Variants in MNAT1 observed in about 807,000 individuals in gnomAD.
MNAT1 encodes the protein CDK-activating kinase assembly factor MAT1.
In MNAT1, 43 loss-of-function variants were observed where a neutral mutation model predicts 42.0. That is an observed-to-expected ratio of 1.02 (90% CI 0.80 to 1.32). The LOEUF (loss-of-function observed/expected upper bound fraction) is 1.32, where lower values mean the gene tolerates loss of function less well. Ranked by LOEUF, MNAT1 falls within the 40% of genes most tolerant of loss-of-function variation. The pLI, the probability that MNAT1 is intolerant of heterozygous loss-of-function variation, is 0.00. For synonymous variants in MNAT1, 118 were observed against 120.0 expected (o/e 0.98, Z 0.11); for missense variants, 306 against 350.4 (o/e 0.87, Z 1.01).
chr14:60,862,923 AGT>A (rs1371331734), intron 6 of MNAT1, among the ~76,000 whole-genome samples: 2 of 152,088 alleles, frequency 1.3e-5, no homozygotes, highest in Admixed American at 6.6e-5. Context: ...GGTAGAACAA[AGT>A]GTGCAGGGAT....
chr14:60,818,378 G>C (rs763567763), intron 5 of MNAT1, among the ~76,000 whole-genome samples: 1 of 151,918 alleles, frequency 6.6e-6, no homozygotes, highest in Admixed American at 6.6e-5. Flanking sequence ...AAAAGAATGC[G>C]TCTTAGATAA....
At chr14:60,960,544 T>A (rs1022110238) in intron 7 of MNAT1, among the ~76,000 whole-genome samples, 11 of 152,216 alleles carry the variant, frequency 7.2e-5, no homozygotes, top group Admixed American at 3.9e-4. Flanking sequence ...CATGCATATG[T>A]CTCTACTATA....
intron 6 of MNAT1, among the ~76,000 whole-genome samples, chr14:60,836,756 G>A (rs1161122994): frequency 6.6e-6 from 1 of 152,216 alleles, no homozygotes; most frequent in Non-Finnish European, 1.5e-5. Context: ...CCTTAGTAGA[G>A]CTTGAGTGTT....
At chr14:60,778,051 G>T (rs1162614791) in intron 1 of MNAT1, among the ~76,000 whole-genome samples, 2 of 152,126 alleles carry the variant, frequency 1.3e-5, no homozygotes, top group Non-Finnish European at 1.5e-5. Context: ...TAGTGGGTTT[G>T]TTTTGATTCT....
rs1250121142 is a variant in MNAT1, at chr14:60,834,990, G to GCCCT, written c.687+16161_687+16164dup. On this transcript the variant is annotated intron_variant, in intron 6 of 7. Transcript: ENST00000261245. The stretch of plus-strand genomic sequence containing the variant: ...CTTCCTTCCTTCCTACCTTGCTCCC[G>GCCCT]CCCTCCCTCCCTCCCTCCCTCTCTC... Among the ~76,000 whole-genome samples, 46 of 29,012 alleles carry GCCCT rather than the reference G, an allele frequency of 1.6e-3. 1 individual carries two copies. In the Middle Eastern group the frequency reaches 0.091, roughly 57 times the overall value. 19.0% of individuals were successfully genotyped at this position (29,012 alleles called of 152,430 possible).
chr14:60,957,842 TG>T (rs1272871381), intron 7 of MNAT1, among the ~76,000 whole-genome samples: 3 of 152,044 alleles, frequency 2.0e-5, no homozygotes, highest in Non-Finnish European at 4.4e-5. Flanking sequence ...TATACTTTGA[TG>T]TTTTTTTTTT....
At chr14:60,844,843 A>T (rs913603790) in intron 6 of MNAT1, among the ~76,000 whole-genome samples, 2 of 152,064 alleles carry the variant, frequency 1.3e-5, no homozygotes, top group African/African-American at 4.8e-5. Flanking sequence ...TTATGAGTAG[A>T]TGTTGAATTC....
chr14:60,952,761 A>T (rs2036408748), intron 7 of MNAT1, among the ~76,000 whole-genome samples: 1 of 152,178 alleles, frequency 6.6e-6, no homozygotes, highest in South Asian at 2.1e-4. Flanking sequence ...ATTAAGATAG[A>T]AGGACAGACC....
At position 60,746,645 on chromosome 14, in the gene MNAT1, A is replaced by G. The variant is rs141311914; in HGVS notation, c.89+11694A>G. Among the ~76,000 whole-genome samples, 1,161 of 151,580 alleles carry G rather than the reference A, an allele frequency of 7.7e-3. 9 individuals carry two copies. Among genetic ancestry groups the G allele is most frequent in the Middle Eastern group, 0.021 (6 of 292 alleles). The stretch of plus-strand genomic sequence containing the variant: ...TGAGGGATGGTGCTGATCACTCTGC[A>G]GAATATGAATACTTCATTACGGATT... On this transcript the variant is annotated intron_variant, in intron 1 of 7. Transcript: ENST00000261245.
chr14:60,817,756 A>G (rs2032758396), intron 5 of MNAT1, among the ~76,000 whole-genome samples: 1 of 152,030 alleles, frequency 6.6e-6, no homozygotes, highest in Non-Finnish European at 1.5e-5. Context: ...TGTAGTCACT[A>G]TTTTAACATC....
intron 7 of MNAT1, among the ~76,000 whole-genome samples, chr14:60,885,643 T>A (rs867823993): frequency 1.3e-5 from 2 of 152,076 alleles, no homozygotes; most frequent in African/African-American, 2.4e-5. Context: ...AAGTTCTTTA[T>A]ATAATTTGGG....
chr14:60,734,946 C>T lies in MNAT1; in HGVS notation c.84C>T (p.His28=), dbSNP rs1365659967. The T allele has an allele frequency of 1.9e-6, 3 of 1,614,158 alleles. No homozygotes were observed. Among genetic ancestry groups the T allele is most frequent in the Non-Finnish European group, 2.5e-6 (3 of 1,179,994 alleles). Residue 28 remains histidine, a synonymous_variant, in exon 1 of 8, where the codon CAC becomes CAT. Coordinates refer to ENST00000261245, the MANE Select transcript of MNAT1 (RefSeq NM_002431.4). This position sits in a 1 kb window ranked among gnomAD's most constrained non-coding sequence, Gnocchi z 4.3. ...SLKLMVNVCG[H]TLCESCVDLL... ...AGCTGATGGTGAATGTGTGCGGACA[C>T]ACTCTGTGAGTTGGGCGGCAGTGGA...
intron 1 of MNAT1, among the ~76,000 whole-genome samples, chr14:60,782,829 T>C (rs531832865): frequency 2.0e-5 from 3 of 152,174 alleles, no homozygotes; most frequent in Non-Finnish European, 2.9e-5. Flanking sequence ...TATGCTCTGC[T>C]CCCTCTCAGT....
chr14:60,923,534 C>T (rs2035704948), intron 7 of MNAT1, among the ~76,000 whole-genome samples: 1 of 152,100 alleles, frequency 6.6e-6, no homozygotes, highest in Non-Finnish European at 1.5e-5. Context: ...TTATCCATTG[C>T]ATCATTTACA....
intron 1 of MNAT1, among the ~76,000 whole-genome samples, chr14:60,767,624 G>A (rs1280733853): frequency 4.6e-5 from 7 of 151,658 alleles, no homozygotes; most frequent in Non-Finnish European, 8.8e-5. Flanking sequence ...ATTTTGAGAC[G>A]GAGACTTGCT....
intron 7 of MNAT1, among the ~76,000 whole-genome samples, chr14:60,911,417 G>A (rs573118753): frequency 4.2e-4 from 64 of 152,104 alleles, no homozygotes; most frequent in African/African-American, 1.5e-3. Context: ...TCTGTTGTTA[G>A]GGTGTCAATT....
chr14:60,837,066 C>G (rs2033411202), intron 6 of MNAT1, among the ~76,000 whole-genome samples: 1 of 152,174 alleles, frequency 6.6e-6, no homozygotes, highest in South Asian at 2.1e-4. Flanking sequence ...ATGGATGCCC[C>G]TACCCCCACC....
At chr14:60,835,458 T>G (rs1401034515) in intron 6 of MNAT1, among the ~76,000 whole-genome samples, 1 of 152,210 alleles carries the variant, frequency 6.6e-6, no homozygotes, top group Non-Finnish European at 1.5e-5. Flanking sequence ...TCTCTCAGCA[T>G]TTGCTTCTCT....
intron 7 of MNAT1, among the ~76,000 whole-genome samples, chr14:60,917,565 T>A (rs2035549115): frequency 6.6e-6 from 1 of 152,110 alleles, no homozygotes; most frequent in African/African-American, 2.4e-5. Context: ...AACTTGTATA[T>A]GTTGAATCCA....
Sources: allele counts gnomAD v4.1 joint callset (sites outside exome capture counted in the v4.1 genomes callset), GRCh38; gene constraint gnomAD v4.1.1; non-coding constraint Gnocchi (gnomAD v3.1); transcripts MANE v1.5; gene names NCBI Gene and HGNC (gene_info 2026-07-23, HGNC 2026-07-21).